Variants in NUP210 observed in about 807,000 individuals in gnomAD.
NUP210 encodes nucleoporin 210.
In NUP210, 151 loss-of-function variants were observed where a neutral mutation model predicts 196.0. The ratio of observed to expected loss-of-function variants is 0.77; its 90% CI spans 0.67 to 0.88. The LOEUF (loss-of-function observed/expected upper bound fraction) is 0.88, where lower values mean the gene tolerates loss of function less well. Ranked by LOEUF, NUP210 falls within the 40% of genes least tolerant of loss-of-function variation. The pLI, the probability that NUP210 is intolerant of heterozygous loss-of-function variation, is 0.00. For missense variants in NUP210, 2,314 were observed against 2,493.7 expected, an observed-to-expected ratio of 0.93 and a Z score of 1.53; for synonymous variants, 1,070 against 1,052.7, an observed-to-expected ratio of 1.02 and a Z score of -0.32.
chr3:13,343,358 G>GC, intron 20 of NUP210, 55 bp from the exon 21 acceptor site: 5 of 1,579,060 alleles, frequency 3.2e-6, no homozygotes, highest in Non-Finnish European at 3.4e-6. Context: ...CAGCTGCAGG[G>GC]CCCCCCTCTG....
At chr3:13,389,744 T>G (rs1026558692) in intron 4 of NUP210, among the ~76,000 whole-genome samples, 1 of 152,110 alleles carries the variant, frequency 6.6e-6, no homozygotes, top group Non-Finnish European at 1.5e-5. Context: ...GAGCAGGACT[T>G]TAATGGCATA....
intron 16 of NUP210, 122 bp downstream of exon 16, chr3:13,358,100 G>C: frequency 1.2e-6 from 1 of 852,148 alleles, no homozygotes; most frequent in South Asian, 1.8e-5. Flanking sequence ...TTGTTGAGAC[G>C]AAGGAAGTGC....
chr3:13,397,833 C>T (rs1420990882), intron 2 of NUP210, among the ~76,000 whole-genome samples: 2 of 152,324 alleles, frequency 1.3e-5, no homozygotes, highest in South Asian at 2.1e-4. Context: ...ATCCCAAAGA[C>T]GAGAACCCTG....
intron 5 of NUP210, 24 bp from the exon 6 acceptor site, chr3:13,386,431 A>G: frequency 1.2e-6 from 2 of 1,613,754 alleles, no homozygotes; most frequent in Non-Finnish European, 1.7e-6. Flanking sequence ...AAAGGCAGAC[A>G]AAGTGAGGTG....
In NUP210 at chr3:13,371,994, C is replaced by G. The variant is rs74681769; in HGVS notation, c.1626G>C (p.Pro542=). ...VIEPHSMEFA[P]CQVEARVGQA... ...GGCCCACACGTGCCTCCACCTGGCA[C>G]GGGGCAAACTCCATGCTGTGGGGCT... Residue 542 remains proline, a synonymous_variant, in exon 13 of 40, where the codon CCG becomes CCC. Transcript: ENST00000254508. The G allele has an allele frequency of 3.1e-3, 4,930 of 1,596,368 alleles. 9 individuals are homozygous for G. The highest frequency in any genetic ancestry group is 3.9e-3 in the Non-Finnish European group (4,539 of 1,171,292).
intron 25 of NUP210, among the ~76,000 whole-genome samples, chr3:13,339,634 G>C (rs1253714393): frequency 6.6e-6 from 1 of 152,258 alleles, no homozygotes; most frequent in African/African-American, 2.4e-5. Flanking sequence ...GCAGCTGGAA[G>C]GACTGGGAGA....
At chr3:13,343,360 C>T (rs770585415) in intron 20 of NUP210, 57 bp from the exon 21 acceptor site, 133 of 1,580,744 alleles carry the variant, frequency 8.4e-5, no homozygotes, top group Non-Finnish European at 1.1e-4. Context: ...GCTGCAGGGC[C>T]CCCCTCTGCT....
intron 1 of NUP210, among the ~76,000 whole-genome samples, chr3:13,402,423 C>T (rs550698394): frequency 6.6e-6 from 1 of 152,136 alleles, no homozygotes; most frequent in Non-Finnish European, 1.5e-5. Flanking sequence ...GATAACCACT[C>T]TTTTCTTGCT....
At position 13,366,038 on chromosome 3, in the gene NUP210, C is replaced by T. The variant is rs752098434; in HGVS notation, c.1840G>A (p.Ala614Thr). 20 of 1,614,074 alleles carry T rather than the reference C, an allele frequency of 1.2e-5. No homozygotes were observed. In the Admixed American group the frequency reaches 3.2e-4, roughly 26 times the overall value. Reference sequence around the variant, plus strand: ...ACAAGAAGCGTGGTAGAGCCCTGGGCCTCGGCCTTTACCCGGATGCCGCTG... The same window carrying T: ...ACAAGAAGCGTGGTAGAGCCCTGGGTCTCGGCCTTTACCCGGATGCCGCTG... ...HCSGIRVKAEAQGSTTLLVSY... is the reference protein window; with the variant it reads ...HCSGIRVKAETQGSTTLLVSY... The change falls in exon 14 of 40, where the codon GCC becomes ACC. Residue 614 changes from alanine (A) to threonine (T), a missense_variant. By Grantham distance (58) the Ala-to-Thr change is moderately conservative. Transcript: ENST00000254508.
intron 12 of NUP210, 23 bp from the exon 13 acceptor site, chr3:13,372,055 G>A (rs1360278430): frequency 1.2e-5 from 18 of 1,532,820 alleles, no homozygotes; most frequent in Non-Finnish European, 1.4e-5. Context: ...GGCATGGCCT[G>A]GGCTCAGCTG....
chr3:13,326,268 C>T (rs1367863952), intron 32 of NUP210, among the ~76,000 whole-genome samples: 1 of 152,258 alleles, frequency 6.6e-6, no homozygotes, highest in Non-Finnish European at 1.5e-5. Context: ...CAGGAATGGT[C>T]TGGTGCTGCT....
chr3:13,319,890 C>G lies in NUP210; in HGVS notation c.5256G>C (p.Leu1752Phe). Residue 1752 changes from leucine to phenylalanine, a missense_variant, in exon 37 of 40, where the codon TTG becomes TTC. Coordinates refer to ENST00000254508, the MANE Select transcript of NUP210 (RefSeq NM_024923.4). Reference sequence around the variant, plus strand: ...GCCCTTGGCTGCCAGCCGCGGGGTCCAAGACGCCGACCGTGTATGTGATGA... The same window carrying G: ...GCCCTTGGCTGCCAGCCGCGGGGTCGAAGACGCCGACCGTGTATGTGATGA... ...PSFITYTVGV[L>F]DPAAGSQGPL... 5 of 1,614,182 alleles carry G rather than the reference C, an allele frequency of 3.1e-6. No individual in the cohort carries two copies. The highest frequency in any genetic ancestry group is 4.2e-6 in the Non-Finnish European group (5 of 1,180,020).
intron 1 of NUP210, among the ~76,000 whole-genome samples, chr3:13,417,504 G>C (rs568309042): frequency 7.1e-4 from 108 of 152,312 alleles, no homozygotes; most frequent in Middle Eastern, 6.8e-3. Flanking sequence ...TCTGGATGAA[G>C]AGGTAATGTT....
In NUP210 at chr3:13,388,249, T is replaced by C. The variant is rs1001571180; in HGVS notation, c.684+54A>G. 3 of 1,470,724 alleles carry C rather than the reference T, an allele frequency of 2.0e-6. No homozygotes were observed. The African/African-American group carries it at 4.3e-5, about 21-fold the overall frequency. The allele number at this position is 1,470,724 out of a possible 1,614,324, so 91.1% of individuals were successfully genotyped here. A position where few individuals can be genotyped will look rare whatever the true frequency, so the allele number is the denominator to read the frequency against. On this transcript the variant is annotated intron_variant, in intron 5 of 39. Transcript: ENST00000254508. ...TGATGGTACCTATAAGCAGGTACCGTCAGCCTGATTCCACCCCAGGAAGCC... is the reference window on the plus strand; with the variant it reads ...TGATGGTACCTATAAGCAGGTACCGCCAGCCTGATTCCACCCCAGGAAGCC...
At chr3:13,407,327 A>G (rs1700035225) in intron 1 of NUP210, among the ~76,000 whole-genome samples, 1 of 152,170 alleles carries the variant, frequency 6.6e-6, no homozygotes, top group Admixed American at 6.5e-5. Flanking sequence ...GCTTGAGCCC[A>G]GGAGTTCAAG....
At chr3:13,388,921 A>G (rs1217996810) in intron 4 of NUP210, among the ~76,000 whole-genome samples, 2 of 152,152 alleles carry the variant, frequency 1.3e-5, no homozygotes, top group Non-Finnish European at 2.9e-5. Context: ...ACGATTCTCC[A>G]TGACTGGTCC....
At chr3:13,325,054 C>T (rs115453062) in intron 33 of NUP210, among the ~76,000 whole-genome samples, 110 of 152,338 alleles carry the variant, frequency 7.2e-4, no homozygotes, top group African/African-American at 2.5e-3. Context: ...TCAACCTGCA[C>T]CAAACTGCCT....
intron 1 of NUP210, among the ~76,000 whole-genome samples, chr3:13,401,259 C>CAAAAAAAGAAAAAA (rs1699828667): frequency 2.3e-5 from 1 of 43,846 alleles, no homozygotes; most frequent in Admixed American, 3.1e-4. Context: ...GACTCTGGCT[C>CAAAAAAAGAAAAAA]AAAAAAAAAA....
rs772458277 is a variant in NUP210 at position 13,391,212 on chromosome 3, G to T, written c.532C>A (p.Arg178=). 3 of 1,609,372 alleles carry T rather than the reference G, an allele frequency of 1.9e-6. No individual in the cohort carries two copies. Among genetic ancestry groups the T allele is most frequent in the South Asian group, 1.1e-5 (1 of 90,226 alleles). The stretch of plus-strand genomic sequence containing the variant: ...AGGCCTAGCAGAGGCACCCCTTACC[G>T]CAGCGCATTGTGGGAGTCTGAGAAC... ...DRFSDSHNAL[R]ILTFLESTYI... The change falls in exon 4 of 40, where the codon CGA becomes AGA. Residue 178 remains arginine (R), a splice_region_variant and synonymous_variant. Coordinates refer to ENST00000254508, the MANE Select transcript of NUP210 (RefSeq NM_024923.4).
Sources: allele counts gnomAD v4.1 joint callset (sites outside exome capture counted in the v4.1 genomes callset), GRCh38; gene constraint gnomAD v4.1.1; transcripts MANE v1.5; gene names NCBI Gene and HGNC (gene_info 2026-07-23, HGNC 2026-07-21).